CCSER1: variants seen among roughly 807,000 people sequenced by gnomAD.
CCSER1 encodes coiled-coil serine rich protein 1, also known as serine-rich coiled-coil domain-containing protein 1.
In CCSER1, 41 loss-of-function variants were observed where a neutral mutation model predicts 82.0. The observed-to-expected ratio is 0.50, with a 90% CI of 0.39 to 0.65. The LOEUF is 0.65. Among genes scored for constraint, CCSER1 ranks in the 30% least tolerant of loss-of-function variants. The pLI is 0.00. For missense variants in CCSER1, 1,119 were observed against 1,064.2 expected (o/e 1.05, Z -0.72); for synonymous variants, 414 against 383.9 (o/e 1.08, Z -0.92).
At chr4:91,157,154 T>A (rs1730898972) in intron 10 of CCSER1, among the ~76,000 whole-genome samples, 1 of 151,980 alleles carries the variant, frequency 6.6e-6, no homozygotes, top group African/African-American at 2.4e-5. Flanking sequence ...AATAAACTAC[T>A]CTAGATAGAA....
intron 10 of CCSER1, among the ~76,000 whole-genome samples, chr4:91,095,699 T>A (rs2148837217): frequency 1.3e-5 from 2 of 152,306 alleles, no homozygotes; most frequent in South Asian, 4.1e-4. Flanking sequence ...GGTCTGGGCT[T>A]CCCTCCTTTC....
chr4:91,598,475 G>T, intron 10 of CCSER1, 97 bp from the exon 11 acceptor site: 1 of 1,246,270 alleles, frequency 8.0e-7, no homozygotes, highest in South Asian at 1.9e-5. Context: ...GAAAATTTAC[G>T]GGTTCAGACA....
In CCSER1 at chr4:91,106,119, A is replaced by T. The variant is rs1725587906; in HGVS notation, c.2217+20125A>T. Among the ~76,000 whole-genome samples the T allele has an allele frequency of 2.0e-5, 3 of 152,284 alleles. No homozygotes were observed. The South Asian group carries it at 6.2e-4, about 32-fold the overall frequency. On this transcript the variant is annotated intron_variant, in intron 10 of 10. Coordinates refer to ENST00000509176, the MANE Select transcript of CCSER1 (RefSeq NM_001145065.2). ...ACATTTCACTCTGAACACTAGAAAA[A>T]CAGGGTCCTGTCTCTTCGCCATAAA...
chr4:91,402,067 T>G (rs1752375784), intron 10 of CCSER1, among the ~76,000 whole-genome samples: 1 of 152,224 alleles, frequency 6.6e-6, no homozygotes, highest in Non-Finnish European at 1.5e-5. Context: ...ACCTGTTTCC[T>G]GACTTTTTAA....
chr4:90,497,063 A>G (rs1769151632), intron 5 of CCSER1, among the ~76,000 whole-genome samples: 1 of 152,008 alleles, frequency 6.6e-6, no homozygotes, highest in African/African-American at 2.4e-5. Context: ...AAGATAAATC[A>G]TTATTTATTT....
rs1357117971 is a variant in CCSER1, at chr4:91,601,960, G to A, written c.*2903G>A. 1 of 151,954 alleles carries A rather than the reference G, an allele frequency of 6.6e-6. No homozygotes were observed. Among genetic ancestry groups the A allele is most frequent in the African/African-American group, 2.4e-5 (1 of 41,408 alleles). The allele number at this position is 151,954 out of a possible 1,614,324, so 9.4% of individuals were successfully genotyped here. On this transcript the variant is annotated 3_prime_UTR_variant, in exon 11 of 11. Coordinates refer to ENST00000509176, the MANE Select transcript of CCSER1 (RefSeq NM_001145065.2). Reference sequence around the variant, plus strand: ...TTTTCCATAAAATTATATGCTAAGAGAGTCACCACAAAACTATGAATTCTC... The same window carrying A: ...TTTTCCATAAAATTATATGCTAAGAAAGTCACCACAAAACTATGAATTCTC...
intron 5 of CCSER1, among the ~76,000 whole-genome samples, chr4:90,580,236 A>G (rs1347557937): frequency 6.6e-6 from 1 of 152,142 alleles, no homozygotes; most frequent in African/African-American, 2.4e-5. Flanking sequence ...AATTATTTCC[A>G]AAGCTGAAAT....
At chr4:91,193,630 T>C (rs1560507122) in intron 10 of CCSER1, among the ~76,000 whole-genome samples, 1 of 152,278 alleles carries the variant, frequency 6.6e-6, no homozygotes, top group East Asian at 1.9e-4. Flanking sequence ...GAATATAAAA[T>C]ACAACACTTA....
rs1031624602 is a variant in CCSER1, at chr4:91,604,430, G to A, written c.*5373G>A. The A allele has an allele frequency of 9.9e-5, 15 of 151,964 alleles. No individual in the cohort carries two copies. Among genetic ancestry groups the A allele is most frequent in the Admixed American group, 2.6e-4 (4 of 15,236 alleles). 9.4% of individuals were successfully genotyped at this position (151,964 alleles called of 1,614,324 possible). On this transcript the variant is annotated 3_prime_UTR_variant, in exon 11 of 11. Transcript: ENST00000509176. ...ATTTAATAAATACAGAATTTTCAGA[G>A]GGCATCTCTTCTATTTCAAGGTTAC...
intron 9 of CCSER1, among the ~76,000 whole-genome samples, chr4:91,036,043 T>TC (rs1309511194): frequency 1.3e-5 from 2 of 152,224 alleles, no homozygotes; most frequent in African/African-American, 4.8e-5. Context: ...GGATGCCCCT[T>TC]CTAAGGGGTA....
rs751389600 is a variant in CCSER1, at chr4:90,140,339, TACTC to T, written c.-42+12514_-42+12517del. Among the ~76,000 whole-genome samples the T allele has an allele frequency of 1.2e-4, 19 of 152,286 alleles. No individual in the cohort carries two copies. The East Asian group carries it at 3.3e-3, about 26-fold the overall frequency. ...TAAATATAGCCCTAGGAATCCTCAGTACTCACTCAAGTTTAGGACTCCTTAGGGA... is the reference window on the plus strand; with the variant it reads ...TAAATATAGCCCTAGGAATCCTCAGTACTCAAGTTTAGGACTCCTTAGGGA... On this transcript the variant is annotated intron_variant, in intron 1 of 10. Coordinates refer to ENST00000509176, the MANE Select transcript of CCSER1 (RefSeq NM_001145065.2).
intron 1 of CCSER1, among the ~76,000 whole-genome samples, chr4:90,296,613 T>C (rs554289320): frequency 1.5e-4 from 23 of 152,296 alleles, no homozygotes; most frequent in African/African-American, 5.1e-4. Context: ...TTCTAGGGTT[T>C]TTATGGTTTT....
intron 8 of CCSER1, among the ~76,000 whole-genome samples, chr4:90,910,210 A>G (rs1055611572): frequency 3.3e-5 from 5 of 152,248 alleles, no homozygotes; most frequent in Non-Finnish European, 7.3e-5. Context: ...ATCTGCCTCC[A>G]TGATTTAATC....
chr4:90,827,450 C>T (rs557449381), intron 8 of CCSER1, among the ~76,000 whole-genome samples: 8 of 152,222 alleles, frequency 5.3e-5, no homozygotes, highest in African/African-American at 1.9e-4. Context: ...CTATGCTATA[C>T]AGGCATTACA....
At chr4:90,458,849 A>G (rs1443568387) in intron 4 of CCSER1, among the ~76,000 whole-genome samples, 1 of 152,226 alleles carries the variant, frequency 6.6e-6, no homozygotes, top group African/African-American at 2.4e-5. Flanking sequence ...GTTCTTACAC[A>G]TCGCTTTTGA....
At chr4:91,022,773 T>A (rs1473408808) in intron 9 of CCSER1, among the ~76,000 whole-genome samples, 1 of 152,228 alleles carries the variant, frequency 6.6e-6, no homozygotes, top group African/African-American at 2.4e-5. Context: ...ATGATGAGCA[T>A]TTTTTCACGT....
intron 10 of CCSER1, among the ~76,000 whole-genome samples, chr4:91,563,004 C>T (rs1490211748): frequency 1.3e-5 from 2 of 151,464 alleles, no homozygotes; most frequent in Admixed American, 6.6e-5. Context: ...AATTTTAAAC[C>T]TGAGCAGGCC....
intron 1 of CCSER1, among the ~76,000 whole-genome samples, chr4:90,166,751 T>TA (rs1730525551): frequency 6.6e-6 from 1 of 151,940 alleles, no homozygotes; most frequent in Non-Finnish European, 1.5e-5. Flanking sequence ...TTATTGCAAA[T>TA]GTTAAAAGAG....
chr4:90,584,430 GC>G (rs1225910563), intron 5 of CCSER1, among the ~76,000 whole-genome samples: 3 of 152,176 alleles, frequency 2.0e-5, no homozygotes, highest in Non-Finnish European at 2.9e-5. Context: ...AACTCTGACA[GC>G]AACAGAAAAA....
Sources: gnomAD v4.1 joint callset for allele counts (sites outside exome capture counted in the v4.1 genomes callset) on GRCh38, gnomAD v4.1.1 for gene constraint, MANE v1.5 for transcripts, NCBI Gene and HGNC (gene_info 2026-07-23, HGNC 2026-07-21) for gene names.